Variants in SIPA1L1 observed in about 807,000 individuals in gnomAD.
The protein encoded by SIPA1L1 is signal induced proliferation associated 1 like 1, also known as signal-induced proliferation-associated 1-like protein 1.
Under a neutral mutation model 162.7 loss-of-function variants are expected in SIPA1L1, and 26 were observed. That is an observed-to-expected ratio of 0.16 (90% CI 0.12 to 0.22). The LOEUF is 0.22. Ranked by LOEUF, SIPA1L1 falls within the 10% of genes least tolerant of loss-of-function variation. The pLI is 1.00. For missense variants in SIPA1L1, 1,874 were observed against 2,241.0 expected (o/e 0.84, Z 3.31); for synonymous variants, 829 against 837.4 (o/e 0.99, Z 0.17).
intron 5 of SIPA1L1, among the ~76,000 whole-genome samples, chr14:71,600,824 T>G (rs1176852284): frequency 1.3e-5 from 2 of 152,158 alleles, no homozygotes; most frequent in Non-Finnish European, 2.9e-5. Context: ...GTATTTTTCT[T>G]TTCTTGTTTT....
intron 2 of SIPA1L1, among the ~76,000 whole-genome samples, chr14:71,454,176 T>C (rs375977418): frequency 6.6e-6 from 1 of 152,174 alleles, no homozygotes; most frequent in African/African-American, 2.4e-5. Context: ...TACTGTGATA[T>C]AGGCATGTTA....
At chr14:71,657,674 CT>C (rs11320179) in intron 8 of SIPA1L1, among the ~76,000 whole-genome samples, 62,218 of 143,960 alleles carry the variant, frequency 0.43, 13,271 homozygotes, top group Admixed American at 0.53. Flanking sequence ...AAATTATTGT[CT>C]TTTTTTTTTT....
intron 2 of SIPA1L1, among the ~76,000 whole-genome samples, chr14:71,396,511 T>G (rs1470939714): frequency 6.6e-6 from 1 of 152,170 alleles, no homozygotes; most frequent in Non-Finnish European, 1.5e-5. Flanking sequence ...GTTTGTGTGT[T>G]TTTTCTCAGT....
At chr14:71,651,469 A>G (rs777152887) in intron 8 of SIPA1L1, among the ~76,000 whole-genome samples, 1 of 152,240 alleles carries the variant, frequency 6.6e-6, no homozygotes, top group Non-Finnish European at 1.5e-5. Context: ...ACGACATGCA[A>G]GAGAGACTAT....
chr14:71,720,011 A>C (rs2150153935), intron 17 of SIPA1L1, among the ~76,000 whole-genome samples: 1 of 152,256 alleles, frequency 6.6e-6, no homozygotes, highest in African/African-American at 2.4e-5. Context: ...GTTTGCTGCC[A>C]GATGTATTGG....
chr14:71,583,714 C>G (rs905366869), intron 4 of SIPA1L1, among the ~76,000 whole-genome samples: 3 of 151,766 alleles, frequency 2.0e-5, no homozygotes, highest in African/African-American at 7.3e-5. Context: ...CATTATTCTG[C>G]TTGTTGGTTA....
intron 5 of SIPA1L1, among the ~76,000 whole-genome samples, chr14:71,602,503 A>T (rs1441359432): frequency 2.0e-5 from 3 of 152,330 alleles, no homozygotes; most frequent in South Asian, 2.1e-4. Flanking sequence ...AGAATGTTCT[A>T]TGTGCTGATG....
intron 12 of SIPA1L1, among the ~76,000 whole-genome samples, chr14:71,682,688 A>T (rs989878591): frequency 1.3e-5 from 2 of 152,272 alleles, no homozygotes; most frequent in African/African-American, 4.8e-5. Flanking sequence ...GCCAGTTTTC[A>T]TACTAAATGT....
intron 2 of SIPA1L1, among the ~76,000 whole-genome samples, chr14:71,508,982 A>G (rs1263310262): frequency 6.6e-6 from 1 of 151,042 alleles, no homozygotes; most frequent in African/African-American, 2.4e-5. Flanking sequence ...TTCCCATAAG[A>G]TGTGTGAGTT....
chr14:71,588,951 C>T lies in SIPA1L1; in HGVS notation c.1079C>T (p.Thr360Ile). 1 of 1,614,074 alleles carries T rather than the reference C, an allele frequency of 6.2e-7. No individual in the cohort carries two copies. The highest frequency in any genetic ancestry group is 8.5e-7 in the Non-Finnish European group (1 of 1,179,964). Residue 360 changes from threonine to isoleucine, a missense_variant, in exon 5 of 24, where the codon ACC becomes ATC. Transcript: ENST00000381232. This position sits in a 1 kb window ranked among gnomAD's most constrained non-coding sequence, Gnocchi z 4.3. Reference sequence around the variant, plus strand: ...AATGTTATTAAGAGGAGAAACACCACCACTGGAGCTTCCGCAGCTGCCGTG... The same window carrying T: ...AATGTTATTAAGAGGAGAAACACCATCACTGGAGCTTCCGCAGCTGCCGTG... ...RHNVIKRRNT[T>I]TGASAAAVAS...
At chr14:71,352,237 A>G (rs1387918172) in intron 2 of SIPA1L1, among the ~76,000 whole-genome samples, 1 of 152,042 alleles carries the variant, frequency 6.6e-6, no homozygotes, top group Non-Finnish European at 1.5e-5. Flanking sequence ...GTTGGAGTGC[A>G]GTGTTGTGAT....
At chr14:71,652,160 C>A (rs117202978) in intron 8 of SIPA1L1, among the ~76,000 whole-genome samples, 1 of 152,220 alleles carries the variant, frequency 6.6e-6, no homozygotes, top group South Asian at 2.1e-4. Context: ...GAAGACAGTA[C>A]GCAAAATCAT....
At chr14:71,473,853 T>C (rs1238602799) in intron 2 of SIPA1L1, among the ~76,000 whole-genome samples, 1 of 152,200 alleles carries the variant, frequency 6.6e-6, no homozygotes, top group Admixed American at 6.5e-5. Flanking sequence ...GAAGAAAATA[T>C]TAGAGCTGTC....
At chr14:71,709,792 A>G in intron 17 of SIPA1L1, 128 bp downstream of exon 17, 1 of 696,178 alleles carries the variant, frequency 1.4e-6, no homozygotes, top group Non-Finnish European at 2.4e-6. Flanking sequence ...AATTATTTTT[A>G]TATGTTTAAT....
intron 7 of SIPA1L1, among the ~76,000 whole-genome samples, chr14:71,624,475 T>C (rs1317277162): frequency 6.6e-6 from 1 of 152,232 alleles, no homozygotes; most frequent in Non-Finnish European, 1.5e-5. Context: ...CGTTAAATTC[T>C]TTTGATAATC....
chr14:71,556,771 G>T (rs1255432804), intron 4 of SIPA1L1, among the ~76,000 whole-genome samples: 1 of 152,198 alleles, frequency 6.6e-6, no homozygotes, highest in Admixed American at 6.5e-5. Flanking sequence ...ATACAAGGAG[G>T]TTTTATTACA....
chr14:71,579,817 T>G (rs1354017152), intron 4 of SIPA1L1, among the ~76,000 whole-genome samples: 1 of 152,220 alleles, frequency 6.6e-6, no homozygotes, highest in African/African-American at 2.4e-5. Flanking sequence ...TGCAGTTTCT[T>G]AAATTCTTTT....
chr14:71,409,447 G>A (rs550618167), intron 2 of SIPA1L1, among the ~76,000 whole-genome samples: 1 of 152,314 alleles, frequency 6.6e-6, no homozygotes, highest in African/African-American at 2.4e-5. Context: ...CATGTGGTGT[G>A]AGGGATAAAT....
chr14:71,533,905 C>G (rs1342498626), intron 4 of SIPA1L1, among the ~76,000 whole-genome samples: 1 of 150,528 alleles, frequency 6.6e-6, no homozygotes, highest in Non-Finnish European at 1.5e-5. Flanking sequence ...ATTACAAAAA[C>G]CTTCATTTAG....
Sources: allele counts gnomAD v4.1 joint callset (sites outside exome capture counted in the v4.1 genomes callset), GRCh38; gene constraint gnomAD v4.1.1; non-coding constraint Gnocchi (gnomAD v3.1); transcripts MANE v1.5; gene names NCBI Gene and HGNC (gene_info 2026-07-23, HGNC 2026-07-21).